CYP2C18: variants seen among roughly 807,000 people sequenced by gnomAD.
CYP2C18 encodes the protein cytochrome P450 family 2 subfamily C member 18, also known as cytochrome P450 2C18.
A neutral mutation model predicts 41.3 loss-of-function variants in CYP2C18; 38 were observed. The ratio of observed to expected loss-of-function variants is 0.92; its 90% CI spans 0.71 to 1.21. CYP2C18 has a LOEUF of 1.21. Among genes scored for constraint, CYP2C18 ranks in the 50% most tolerant of loss-of-function variants. The pLI is 0.00. For missense variants in CYP2C18, 635 were observed against 591.4 expected (o/e 1.07, Z -0.77); for synonymous variants, 236 against 210.0 (o/e 1.12, Z -1.07).
At chr10:94,717,047 C>T (rs1414533524) in intron 5 of CYP2C18, among the ~76,000 whole-genome samples, 2 of 152,110 alleles carry the variant, frequency 1.3e-5, no homozygotes, top group Non-Finnish European at 2.9e-5. Flanking sequence ...GATCTTCCTC[C>T]TTCCCTTTAT....
intron 7 of CYP2C18, among the ~76,000 whole-genome samples, chr10:94,731,956 T>G (rs1447620449): frequency 6.6e-6 from 1 of 152,076 alleles, no homozygotes; most frequent in Non-Finnish European, 1.5e-5. Context: ...GAAAAAAAAT[T>G]GATATGTTAC....
intron 4 of CYP2C18, among the ~76,000 whole-genome samples, chr10:94,698,783 A>G (rs970732492): frequency 6.6e-5 from 10 of 152,214 alleles, no homozygotes; most frequent in African/African-American, 2.4e-4. Flanking sequence ...GCAATAAAAA[A>G]TGATAAAGGG....
chr10:94,697,799 A>C (rs1222983609), intron 4 of CYP2C18, among the ~76,000 whole-genome samples: 1 of 152,230 alleles, frequency 6.6e-6, no homozygotes, highest in Non-Finnish European at 1.5e-5. Context: ...TACCAAGCAA[A>C]TGGAAAACAA....
intron 4 of CYP2C18, among the ~76,000 whole-genome samples, chr10:94,698,443 A>T (rs1233603843): frequency 1.3e-5 from 2 of 152,234 alleles, no homozygotes; most frequent in African/African-American, 2.4e-5. Flanking sequence ...GAGAACAAAG[A>T]CACAACATAC....
chr10:94,683,966 C>T lies in CYP2C18; in HGVS notation c.147C>T (p.Asp49=), dbSNP rs56113807. 6.6e-3 allele frequency: 10,563 copies of T among 1,607,442 alleles called. 548 individuals are homozygous for T. The African/African-American group carries it at 0.12, about 18-fold the overall frequency. The part of the protein sequence containing the change: ...IGNILQLDVK[D]MSKSLTNFSK... The stretch of plus-strand genomic sequence containing the variant: ...ATATCCTGCAGTTAGATGTTAAGGA[C>T]ATGAGCAAATCCTTAACCAATGTAA... The change falls in exon 1 of 9, where the codon GAC becomes GAT. Residue 49 remains aspartate, a synonymous_variant. Transcript: ENST00000285979.
intron 8 of CYP2C18, 40 bp downstream of exon 8, chr10:94,733,478 G>C: frequency 6.2e-7 from 1 of 1,608,664 alleles, no homozygotes; most frequent in South Asian, 1.1e-5. Context: ...CAGGGCACAT[G>C]ATACCTTTTT....
intron 5 of CYP2C18, among the ~76,000 whole-genome samples, chr10:94,715,679 C>T (rs989050110): frequency 3.9e-5 from 6 of 152,174 alleles, no homozygotes; most frequent in South Asian, 4.2e-4. Context: ...TTTGGTATTA[C>T]GATGATGCTG....
chr10:94,711,512 A>T (rs549521911), intron 5 of CYP2C18, among the ~76,000 whole-genome samples: 2 of 152,042 alleles, frequency 1.3e-5, no homozygotes, highest in East Asian at 1.9e-4. Flanking sequence ...GACTCAAGTG[A>T]TCCTCCCACC....
chr10:94,684,075 A>G, intron 1 of CYP2C18, 88 bp downstream of exon 1: 2 of 934,996 alleles, frequency 2.1e-6, no homozygotes, highest in East Asian at 2.8e-5. Context: ...AAAGTGATAA[A>G]TGATAATTGT....
intron 4 of CYP2C18, among the ~76,000 whole-genome samples, chr10:94,703,064 G>C (rs759622376): frequency 6.6e-6 from 1 of 152,182 alleles, no homozygotes; most frequent in African/African-American, 2.4e-5. Context: ...ACCAGCAGCG[G>C]CTGCAGAACA....
intron 1 of CYP2C18, among the ~76,000 whole-genome samples, chr10:94,687,465 T>G (rs903921544): frequency 6.6e-6 from 1 of 152,202 alleles, no homozygotes; most frequent in Non-Finnish European, 1.5e-5. Flanking sequence ...TGTGGGACAC[T>G]GGCAGTGAAT....
In CYP2C18 at chr10:94,695,009, C is replaced by T. The variant is rs752948314; in HGVS notation, c.574C>T (p.Gln192Ter). 9 of 1,613,114 alleles carry T rather than the reference C, an allele frequency of 5.6e-6. No individual in the cohort carries two copies. In the East Asian group the frequency reaches 8.9e-5, roughly 16 times the overall value. Residue 192 changes from glutamine (Q) to a stop codon, truncating the protein, a stop_gained, in exon 4 of 9, where the codon CAG (glutamine) becomes TAG (stop). Coordinates refer to ENST00000285979, the MANE Select transcript of CYP2C18 (RefSeq NM_000772.3). LOFTEE classifies it high-confidence loss of function. ...IFHDRFDYKD[Q>*]RFLNLMEKFN... ...CCATGATCGATTTGATTATAAAGAT[C>T]AGAGGTTTCTTAACTTGATGGAAAA... is the stretch of plus-strand genomic sequence containing the variant.
chr10:94,705,154 A>G (rs953525796), intron 4 of CYP2C18, among the ~76,000 whole-genome samples: 4 of 152,182 alleles, frequency 2.6e-5, no homozygotes, highest in Non-Finnish European at 5.9e-5. Flanking sequence ...CAAAGCTTAC[A>G]TATGCATCAT....
chr10:94,686,409 G>A (rs7088972), intron 1 of CYP2C18, among the ~76,000 whole-genome samples: 5,382 of 152,092 alleles, frequency 0.035, 312 homozygotes, highest in African/African-American at 0.12. Flanking sequence ...AATATTTTCT[G>A]TCTTTAGTCT....
At chr10:94,684,382 A>G (rs1385167840) in intron 1 of CYP2C18, among the ~76,000 whole-genome samples, 2 of 152,132 alleles carry the variant, frequency 1.3e-5, no homozygotes, top group South Asian at 2.1e-4. Flanking sequence ...TCTGGTAGCC[A>G]CCATTCTAAT....
At chr10:94,692,518 G>A (rs1299552974) in intron 3 of CYP2C18, among the ~76,000 whole-genome samples, 5 of 152,190 alleles carry the variant, frequency 3.3e-5, no homozygotes, top group South Asian at 4.1e-4. Flanking sequence ...AAGTCAGGAA[G>A]CAACAGGTGC....
chr10:94,711,250 C>G (rs531005090), intron 5 of CYP2C18, among the ~76,000 whole-genome samples: 2 of 152,124 alleles, frequency 1.3e-5, no homozygotes, highest in African/African-American at 2.4e-5. Context: ...TTTACTAGAT[C>G]AAGTTGACTA....
intron 4 of CYP2C18, among the ~76,000 whole-genome samples, chr10:94,703,648 T>C (rs541929798): frequency 6.6e-6 from 1 of 152,314 alleles, no homozygotes; most frequent in East Asian, 1.9e-4. Context: ...AATTTCAAGC[T>C]AGTGGATCTT....
chr10:94,706,663 G>C (rs1421500114), intron 4 of CYP2C18, 121 bp from the exon 5 acceptor site: 3 of 580,908 alleles, frequency 5.2e-6, no homozygotes, highest in Non-Finnish European at 9.0e-6. Context: ...ATAATCAAAT[G>C]CTCCTCTTAC....
Sources: allele counts gnomAD v4.1 joint callset (sites outside exome capture counted in the v4.1 genomes callset), GRCh38; gene constraint gnomAD v4.1.1; transcripts MANE v1.5; gene names NCBI Gene and HGNC (gene_info 2026-07-23, HGNC 2026-07-21).